KIF13A: variants seen among roughly 807,000 people sequenced by gnomAD.
KIF13A encodes kinesin family member 13A.
A neutral mutation model predicts 212.2 loss-of-function variants in KIF13A; 79 were observed. The ratio of observed to expected loss-of-function variants is 0.37; its 90% CI spans 0.31 to 0.45. The LOEUF (loss-of-function observed/expected upper bound fraction) is 0.45, where lower values mean the gene tolerates loss of function less well. Among genes scored for constraint, KIF13A ranks in the 20% least tolerant of loss-of-function variants. The probability of loss-of-function intolerance (pLI) is 1.00; values close to 1 mark genes in which losing one functional copy is unlikely to be tolerated. For synonymous variants in KIF13A, 789 were observed against 808.6 expected (o/e 0.98, Z 0.41); for missense variants, 1,901 against 2,209.0 (o/e 0.86, Z 2.79).
At chr6:17,820,292 T>C (rs1764318969) in intron 16 of KIF13A, among the ~76,000 whole-genome samples, 1 of 152,194 alleles carries the variant, frequency 6.6e-6, no homozygotes, top group African/African-American at 2.4e-5. Flanking sequence ...CAGTAGAGTC[T>C]TGTAAGCCCC....
At position 17,826,621 on chromosome 6, in the gene KIF13A, G is replaced by C. The variant is rs1764980695; in HGVS notation, c.1533-497C>G. 6.6e-6 allele frequency among the ~76,000 whole-genome samples: 1 copy of C among 151,942 alleles called. No homozygotes were observed. The highest frequency in any genetic ancestry group is 2.4e-5 in the African/African-American group (1 of 41,378). On this transcript the variant is annotated intron_variant, in intron 14 of 38. Transcript: ENST00000259711. The surrounding 1 kb of genome is among the most constrained non-coding windows in gnomAD (Gnocchi z 4.7). Reference sequence around the variant, plus strand: ...CAGACACACACACACACAGAAGAGAGGAAGAGGAAACCCATTTGTTAAAAG... The same window carrying C: ...CAGACACACACACACACAGAAGAGACGAAGAGGAAACCCATTTGTTAAAAG...
At chr6:17,866,925 A>G (rs1769463563) in intron 4 of KIF13A, among the ~76,000 whole-genome samples, 1 of 150,138 alleles carries the variant, frequency 6.7e-6, no homozygotes, top group Non-Finnish European at 1.5e-5. Flanking sequence ...CACGATTAGC[A>G]AAGCTCATTT....
intron 16 of KIF13A, among the ~76,000 whole-genome samples, chr6:17,822,454 T>C (rs1581421819): frequency 1.3e-5 from 2 of 152,184 alleles, no homozygotes; most frequent in African/African-American, 4.8e-5. Context: ...ATGACTCCAA[T>C]TGGTTTGGCT....
chr6:17,846,116 G>A lies in KIF13A; in HGVS notation c.830+3261C>T, dbSNP rs535944354. On this transcript the variant is annotated intron_variant, in intron 9 of 38. Transcript: ENST00000259711. ...GATTACAGGCGCCCACTACCATGCC[G>A]GGCTGATTTTTGTATTTTTAGTAAA... Among the ~76,000 whole-genome samples the A allele has an allele frequency of 8.2e-5, 11 of 134,862 alleles. No individual in the cohort carries two copies. The South Asian group carries it at 1.2e-3, about 14-fold the overall frequency. 88.5% of individuals were successfully genotyped at this position (134,862 alleles called of 152,430 possible).
chr6:17,921,348 T>C (rs1354993253), intron 2 of KIF13A, among the ~76,000 whole-genome samples: 1 of 152,208 alleles, frequency 6.6e-6, no homozygotes, highest in Admixed American at 6.5e-5. Context: ...CAAGGAAAGC[T>C]GACAAATCTC....
chr6:17,828,269 G>A lies in KIF13A; in HGVS notation c.1503C>T (p.Asp501=), dbSNP rs989079834. ...CATTTTCTTTTGGAGTGAGAGTGAC[G>A]TCTCCATCAGATGCAATGTCAATCT... ...HCEIDIASDG[D]VTLTPKENAR... is the part of the protein sequence containing the mutation. Residue 501 remains aspartate (D), a synonymous_variant, in exon 14 of 39, where the codon GAC becomes GAT. Transcript: ENST00000259711. The surrounding 1 kb of genome is among the most constrained non-coding windows in gnomAD (Gnocchi z 4.3). 1.9e-6 allele frequency: 3 copies of A among 1,609,666 alleles called. No homozygotes were observed. The highest frequency in any genetic ancestry group is 2.2e-5 in the East Asian group (1 of 44,810).
intron 4 of KIF13A, among the ~76,000 whole-genome samples, chr6:17,862,069 G>A (rs1209620522): frequency 6.6e-6 from 1 of 152,160 alleles, no homozygotes; most frequent in Non-Finnish European, 1.5e-5. Flanking sequence ...AGGCTGGAGT[G>A]TGGTGGCGGG....
intron 3 of KIF13A, among the ~76,000 whole-genome samples, chr6:17,876,440 C>T (rs1310376390): frequency 1.3e-5 from 2 of 152,144 alleles, no homozygotes; most frequent in African/African-American, 2.4e-5. Flanking sequence ...CTTCAAAATA[C>T]GTCATACCCC....
At chr6:17,859,669 C>CCTGT (rs1465393389) in intron 4 of KIF13A, among the ~76,000 whole-genome samples, 22 of 137,072 alleles carry the variant, frequency 1.6e-4, no homozygotes, top group African/African-American at 5.4e-4. Context: ...CGAGTCTTGC[C>CCTGT]CTGTCACCCA....
At chr6:17,780,980 G>T in intron 30 of KIF13A, 74 bp from the exon 31 acceptor site, 1 of 1,438,584 alleles carries the variant, frequency 7.0e-7, no homozygotes, top group Non-Finnish European at 9.6e-7. Context: ...GGACATACAA[G>T]AGAAAGAAAA....
intron 2 of KIF13A, among the ~76,000 whole-genome samples, chr6:17,960,877 C>T (rs551047217): frequency 6.3e-4 from 96 of 152,298 alleles, no homozygotes; most frequent in African/African-American, 2.3e-3. Context: ...CACAGTATAA[C>T]GTATCATTCA....
At position 17,771,698 on chromosome 6, in the gene KIF13A, C is replaced by T. The variant is rs1327074307; in HGVS notation, c.4476+210G>A. ...AAAAAATACTTTGAAAAGCCATAAA[C>T]ACAAAGAAATAAAACCACAGCAGCA... On this transcript the variant is annotated intron_variant, in intron 37 of 38. Transcript: ENST00000259711. This position sits in a 1 kb window ranked among gnomAD's most constrained non-coding sequence, Gnocchi z 5.4. The T allele has an allele frequency of 2.1e-6, 1 of 479,516 alleles. No homozygotes were observed. The highest frequency in any genetic ancestry group is 3.7e-6 in the Non-Finnish European group (1 of 269,364). 29.7% of individuals were successfully genotyped at this position (479,516 alleles called of 1,614,324 possible). A position where few individuals can be genotyped will look rare whatever the true frequency, so the allele number is the denominator to read the frequency against.
chr6:17,949,769 T>C (rs1178188106), intron 2 of KIF13A, among the ~76,000 whole-genome samples: 1 of 152,106 alleles, frequency 6.6e-6, no homozygotes. Flanking sequence ...GTCATTATAC[T>C]GCATATACAG....
intron 2 of KIF13A, among the ~76,000 whole-genome samples, chr6:17,985,029 A>T (rs922312156): frequency 6.6e-6 from 1 of 152,260 alleles, no homozygotes; most frequent in African/African-American, 2.4e-5. Flanking sequence ...ATAAAAATGC[A>T]TTTGGTGTCT....
At chr6:17,810,830 C>G (rs1763369471) in intron 17 of KIF13A, among the ~76,000 whole-genome samples, 1 of 152,146 alleles carries the variant, frequency 6.6e-6, no homozygotes, top group African/African-American at 2.4e-5. Flanking sequence ...CACTGCTGAT[C>G]TGACAGGAGG....
intron 2 of KIF13A, among the ~76,000 whole-genome samples, chr6:17,946,519 T>C (rs1231945639): frequency 6.6e-6 from 1 of 151,188 alleles, no homozygotes; most frequent in Non-Finnish European, 1.5e-5. Context: ...GAATGGCCGA[T>C]AAAATATATG....
At chr6:17,870,868 C>T (rs966529422) in intron 4 of KIF13A, among the ~76,000 whole-genome samples, 8 of 152,284 alleles carry the variant, frequency 5.3e-5, no homozygotes, top group African/African-American at 1.4e-4. Context: ...ATATCATTTA[C>T]GGGAACCTTC....
chr6:17,779,988 C>T (rs1242382176), intron 31 of KIF13A, among the ~76,000 whole-genome samples: 29 of 152,054 alleles, frequency 1.9e-4, no homozygotes, highest in Admixed American at 5.2e-4. Context: ...CCTCGTGATC[C>T]GCCCGCCTTG....
intron 4 of KIF13A, among the ~76,000 whole-genome samples, chr6:17,858,885 A>G (rs1266529140): frequency 1.3e-5 from 2 of 152,198 alleles, no homozygotes; most frequent in African/African-American, 4.8e-5. Flanking sequence ...ATTTCAATTC[A>G]TATTTAGTAA....
Sources: allele counts gnomAD v4.1 joint callset (sites outside exome capture counted in the v4.1 genomes callset), GRCh38; gene constraint gnomAD v4.1.1; non-coding constraint Gnocchi (gnomAD v3.1); transcripts MANE v1.5; gene names NCBI Gene and HGNC (gene_info 2026-07-23, HGNC 2026-07-21).